The following PCLO variants were observed in gnomAD, a reference collection of about 807,000 sequenced individuals.
PCLO encodes the protein protein piccolo.
In PCLO, 82 loss-of-function variants were observed where a neutral mutation model predicts 427.5. The ratio of observed to expected loss-of-function variants is 0.19; its 90% CI spans 0.16 to 0.23. The LOEUF (loss-of-function observed/expected upper bound fraction) is 0.23. PCLO is among the 10% of genes least tolerant of loss of function. The pLI, the probability that PCLO is intolerant of heterozygous loss-of-function variation, is 1.00. For missense variants in PCLO, 6,239 were observed against 6,115.9 expected, an observed-to-expected ratio of 1.02 and a Z score of -0.67; for synonymous variants, 2,357 against 2,155.4, an observed-to-expected ratio of 1.09 and a Z score of -2.59.
chr7:82,762,799 ATTTC>A (rs1430380758), intron 22 of PCLO, among the ~76,000 whole-genome samples: 1 of 151,616 alleles, frequency 6.6e-6, no homozygotes, highest in South Asian at 2.1e-4. Flanking sequence ...GCTCTCTTTC[ATTTC>A]TTTCTTTCTT....
At chr7:82,848,580 G>T (rs893874586) in intron 10 of PCLO, among the ~76,000 whole-genome samples, 4 of 151,948 alleles carry the variant, frequency 2.6e-5, no homozygotes, top group Non-Finnish European at 5.9e-5. Flanking sequence ...CAAAGTGCTG[G>T]GATTATAGGC....
At chr7:82,758,782 C>A (rs1790371197) in intron 24 of PCLO, 67 bp from the exon 25 acceptor site, 2 of 950,912 alleles carry the variant, frequency 2.1e-6, no homozygotes, top group Admixed American at 2.4e-5. Context: ...AGTTTTCAAC[C>A]TTTTTTAAGG....
intron 3 of PCLO, among the ~76,000 whole-genome samples, chr7:82,971,535 AG>A (rs1345180095): frequency 6.8e-6 from 1 of 147,742 alleles, no homozygotes; most frequent in African/African-American, 2.5e-5. Context: ...GTATAGATAT[AG>A]ATCTATCTAT....
At chr7:82,781,209 T>G (rs1435257549) in intron 22 of PCLO, among the ~76,000 whole-genome samples, 1 of 151,660 alleles carries the variant, frequency 6.6e-6, no homozygotes, top group Non-Finnish European at 1.5e-5. Context: ...AAAGATCATG[T>G]TCCTGACAAT....
rs1554333552 is a variant in PCLO, at chr7:82,794,459, C to CTGTTTTTTT, written c.15007+7058_15007+7059insAAAAAAACA. Among the ~76,000 whole-genome samples, 32 of 56,370 alleles carry CTGTTTTTTT rather than the reference C, an allele frequency of 5.7e-4. 7 individuals carry two copies. The highest frequency in any genetic ancestry group is 8.2e-4 in the Non-Finnish European group (20 of 24,448). 37.0% of individuals were successfully genotyped at this position (56,370 alleles called of 152,430 possible). A position where few individuals can be genotyped will look rare whatever the true frequency, so the allele number is the denominator to read the frequency against. On this transcript the variant is annotated intron_variant, in intron 22 of 24. Transcript: ENST00000333891. Reference sequence around the variant, plus strand: ...ACATGCTAGTTCATAAATTTTTTTTCTTTTTTTTTTTTTTTTTTTTTTTTT... The same window carrying CTGTTTTTTT: ...ACATGCTAGTTCATAAATTTTTTTTCTGTTTTTTTTTTTTTTTTTTTTTTTTTTTTTTTT...
intron 3 of PCLO, among the ~76,000 whole-genome samples, chr7:83,012,916 T>C (rs1431685928): frequency 6.6e-6 from 1 of 152,056 alleles, no homozygotes; most frequent in Non-Finnish European, 1.5e-5. Flanking sequence ...GAGATACTGA[T>C]GGAGTTCAAC....
At chr7:82,857,315 T>C (rs1035890880) in intron 10 of PCLO, among the ~76,000 whole-genome samples, 1 of 152,168 alleles carries the variant, frequency 6.6e-6, no homozygotes, top group African/African-American at 2.4e-5. Context: ...GAATGAGAAA[T>C]GCTTGCCTTA....
chr7:82,929,771 G>T (rs1165559715), intron 6 of PCLO, among the ~76,000 whole-genome samples: 1 of 152,050 alleles, frequency 6.6e-6, no homozygotes, highest in Non-Finnish European at 1.5e-5. Context: ...AAAATGAGCT[G>T]GAATTATTGT....
chr7:83,020,010 G>T (rs1788302665), intron 3 of PCLO, among the ~76,000 whole-genome samples: 1 of 152,080 alleles, frequency 6.6e-6, no homozygotes, highest in Non-Finnish European at 1.5e-5. Context: ...TGATGAAGAA[G>T]AATATAATAG....
chr7:83,020,735 T>C (rs1788322615), intron 3 of PCLO, among the ~76,000 whole-genome samples: 1 of 151,996 alleles, frequency 6.6e-6, no homozygotes, highest in South Asian at 2.1e-4. Flanking sequence ...AAGATAACCA[T>C]AACATTGAGA....
At chr7:83,121,648 C>T (rs1339241975) in intron 3 of PCLO, among the ~76,000 whole-genome samples, 1 of 149,268 alleles carries the variant, frequency 6.7e-6, no homozygotes, top group Non-Finnish European at 1.5e-5. Flanking sequence ...CCTATAAAGA[C>T]ACACATAGAC....
At chr7:82,988,913 C>A (rs1796314324) in intron 3 of PCLO, among the ~76,000 whole-genome samples, 1 of 151,982 alleles carries the variant, frequency 6.6e-6, no homozygotes, top group African/African-American at 2.4e-5. Flanking sequence ...CGGCTCACCG[C>A]AACCTCTGCC....
Position 82,954,174 on chromosome 7 carries a change from T to G in PCLO, c.6779A>C (p.Asp2260Ala). ...ATCAGATAAGGAAATAACAATATGA[T>G]CAGCACTAGCTCTACCATCTGGTGG... ...TAPPDGRASA[D>A]HIVISLSDMA... The change falls in exon 5 of 25, where the codon GAT becomes GCT. Residue 2260 changes from aspartate (D) to alanine (A), a missense_variant. Asp to Ala is a moderately radical substitution (Grantham distance 126). Around this residue, in one of 5 missense-constraint regions of PCLO, gnomAD observed 4,677 missense variants for 4,468.4 expected, o/e 1.05. Coordinates refer to ENST00000333891, the MANE Select transcript of PCLO (RefSeq NM_033026.6). 6.2e-7 allele frequency: 1 copy of G among 1,613,784 alleles called. No homozygotes were observed.
intron 3 of PCLO, among the ~76,000 whole-genome samples, chr7:83,033,057 C>G (rs190518210): frequency 6.6e-6 from 1 of 152,010 alleles, no homozygotes; most frequent in South Asian, 2.1e-4. Context: ...CCTACTCACC[C>G]TCTCTCTCTC....
chr7:83,074,232 AGT>A (rs1789892863), intron 3 of PCLO, among the ~76,000 whole-genome samples: 5 of 152,072 alleles, frequency 3.3e-5, no homozygotes, highest in Admixed American at 2.0e-4. Context: ...GCCAGGAAAG[AGT>A]GAGAGAGAGG....
chr7:82,809,620 A>G (rs1426113951), intron 20 of PCLO, among the ~76,000 whole-genome samples: 1 of 102,804 alleles, frequency 9.7e-6, no homozygotes, highest in Non-Finnish European at 2.1e-5. Context: ...ATAATAATAC[A>G]TTAATACTTC....
chr7:82,924,822 A>G (rs1305069570), intron 6 of PCLO, among the ~76,000 whole-genome samples: 1 of 152,164 alleles, frequency 6.6e-6, no homozygotes, highest in Admixed American at 6.6e-5. Flanking sequence ...AAAAGGAATT[A>G]GAACAAAAAA....
At chr7:82,928,855 G>A (rs1794775779) in intron 6 of PCLO, among the ~76,000 whole-genome samples, 1 of 152,168 alleles carries the variant, frequency 6.6e-6, no homozygotes, top group Non-Finnish European at 1.5e-5. Flanking sequence ...AAAAGGCAGA[G>A]TTAGACACAG....
intron 3 of PCLO, among the ~76,000 whole-genome samples, chr7:83,043,276 AG>A (rs748790572): frequency 4.7e-4 from 71 of 152,300 alleles, no homozygotes; most frequent in Non-Finnish European, 9.4e-4. Flanking sequence ...AAAAAACAAA[AG>A]AAAAAAAAGT....
Sources: gnomAD v4.1 joint callset for allele counts (sites outside exome capture counted in the v4.1 genomes callset) on GRCh38, gnomAD v4.1.1 for gene constraint, gnomAD v4.1.1 regional missense constraint, MANE v1.5 for transcripts, NCBI Gene and HGNC (gene_info 2026-07-23, HGNC 2026-07-21) for gene names.